LDLRAD3: variants seen among roughly 807,000 people sequenced by gnomAD.
LDLRAD3 encodes low-density lipoprotein receptor class A domain-containing protein 3.
In LDLRAD3, 20 loss-of-function variants were observed where a neutral mutation model predicts 29.4. The observed-to-expected ratio is 0.68, with a 90% CI of 0.48 to 0.99. The LOEUF is 0.99. Ranked by LOEUF, LDLRAD3 falls within the 50% of genes least tolerant of loss-of-function variation. The pLI is 0.00. For missense variants in LDLRAD3, 420 were observed against 454.3 expected (o/e 0.92, Z 0.69); for synonymous variants, 157 against 192.7 (o/e 0.81, Z 1.53).
intron 1 of LDLRAD3, among the ~76,000 whole-genome samples, chr11:35,947,070 A>T (rs1301552033): frequency 2.0e-5 from 3 of 152,176 alleles, no homozygotes; most frequent in African/African-American, 7.2e-5. Flanking sequence ...GTGGGGTGGT[A>T]AATTCTGGGC....
chr11:36,138,269 A>G (rs1854031199), intron 4 of LDLRAD3, among the ~76,000 whole-genome samples: 3 of 152,342 alleles, frequency 2.0e-5, no homozygotes, highest in East Asian at 3.9e-4. Flanking sequence ...TGCTAATAGT[A>G]CCTACTTCCT....
chr11:36,209,860 A>G (rs1243255262), intron 4 of LDLRAD3, among the ~76,000 whole-genome samples: 1 of 152,230 alleles, frequency 6.6e-6, no homozygotes, highest in Admixed American at 6.5e-5. Flanking sequence ...TGTTAAAACC[A>G]TAGATATGTG....
chr11:36,140,992 T>TTCTTTCTCTCTCTCTCTCTCTCTCTC (rs1279929124), intron 4 of LDLRAD3, among the ~76,000 whole-genome samples: 5 of 110,056 alleles, frequency 4.5e-5, no homozygotes, highest in African/African-American at 1.3e-4. Context: ...CTGTTGAGCT[T>TTCTTTCTCTCTCTCTCTCTCTCTCTC]TCTCTCTCTC....
At chr11:36,084,345 A>C (rs2133260145) in intron 3 of LDLRAD3, among the ~76,000 whole-genome samples, 1 of 152,274 alleles carries the variant, frequency 6.6e-6, no homozygotes, top group Admixed American at 6.5e-5. Context: ...AAGCCGGGCG[A>C]GGTGGGGCAC....
intron 4 of LDLRAD3, among the ~76,000 whole-genome samples, chr11:36,143,566 A>G (rs1413444378): frequency 1.3e-5 from 2 of 152,218 alleles, no homozygotes; most frequent in Admixed American, 6.5e-5. Flanking sequence ...GCCACAGGAA[A>G]AAGAGAAACA....
chr11:36,122,653 C>G (rs1464816179), intron 4 of LDLRAD3, among the ~76,000 whole-genome samples: 3 of 152,104 alleles, frequency 2.0e-5, no homozygotes, highest in African/African-American at 7.2e-5. Context: ...CCCCTAGGAG[C>G]CTGTAGTCTA....
intron 2 of LDLRAD3, among the ~76,000 whole-genome samples, chr11:36,047,988 A>C (rs1312121960): frequency 6.6e-6 from 1 of 151,892 alleles, no homozygotes; most frequent in Non-Finnish European, 1.5e-5. Context: ...GTGAGAATAC[A>C]TATGAAAGTG....
chr11:36,227,450 G>C lies in LDLRAD3; in HGVS notation c.800+20G>C. ...CCAGAGGTGTGTGCTGGATGGAAGA[G>C]ATTGAGGCGGGAGAGGTCATCCATT... is the stretch of plus-strand genomic sequence containing the variant. On this transcript the variant is annotated intron_variant, in intron 5 of 5. Coordinates refer to ENST00000315571, the MANE Select transcript of LDLRAD3 (RefSeq NM_174902.4). 1 of 1,511,070 alleles carries C rather than the reference G, an allele frequency of 6.6e-7. No homozygotes were observed. Among genetic ancestry groups the C allele is most frequent in the Non-Finnish European group, 8.9e-7 (1 of 1,124,882 alleles). 93.6% of individuals were successfully genotyped at this position (1,511,070 alleles called of 1,614,324 possible). A position where few individuals can be genotyped will look rare whatever the true frequency, so the allele number is the denominator to read the frequency against.
At chr11:36,106,743 C>T (rs944385996) in intron 4 of LDLRAD3, among the ~76,000 whole-genome samples, 3 of 152,226 alleles carry the variant, frequency 2.0e-5, no homozygotes, top group Non-Finnish European at 2.9e-5. Flanking sequence ...CTCCACCTAC[C>T]CCAAACCCAC....
intron 4 of LDLRAD3, among the ~76,000 whole-genome samples, chr11:36,168,498 C>CTTTTTTTTTTTTTTTTT (rs5791083): frequency 2.4e-4 from 28 of 115,710 alleles, no homozygotes; most frequent in East Asian, 9.2e-4. Context: ...TTTCTTTCTT[C>CTTTTTTTTTTTTTTTTT]TTTTTTTTTT....
chr11:35,952,448 C>A (rs1354868831), intron 1 of LDLRAD3, among the ~76,000 whole-genome samples: 2 of 152,162 alleles, frequency 1.3e-5, no homozygotes, highest in African/African-American at 4.8e-5. Context: ...CTCAAATGGC[C>A]TGTCTTTGGC....
chr11:36,180,139 G>A (rs1314637895), intron 4 of LDLRAD3, among the ~76,000 whole-genome samples: 3 of 152,120 alleles, frequency 2.0e-5, no homozygotes, highest in Admixed American at 6.5e-5. Context: ...GTTCCTACCT[G>A]CCTCGGTACA....
In LDLRAD3 at chr11:36,065,834, C is replaced by T. The variant is rs79473434; in HGVS notation, c.194-15819C>T. 3.3e-5 allele frequency among the ~76,000 whole-genome samples: 5 copies of T among 152,256 alleles called. No homozygotes were observed. The East Asian group carries it at 9.7e-4, about 29-fold the overall frequency. On this transcript the variant is annotated intron_variant, in intron 2 of 5. Coordinates refer to ENST00000315571, the MANE Select transcript of LDLRAD3 (RefSeq NM_174902.4). ...ACAAAACCTGAGTTTTAGGGTTCTG[C>T]TGTTTATGTGGATCATGTGGGGAGG...
intron 4 of LDLRAD3, among the ~76,000 whole-genome samples, chr11:36,172,496 C>T (rs1369357691): frequency 6.6e-6 from 1 of 151,592 alleles, no homozygotes; most frequent in Non-Finnish European, 1.5e-5. Flanking sequence ...TAAGGTATGT[C>T]CCTTCTATGC....
At chr11:36,218,832 G>A (rs139281469) in intron 4 of LDLRAD3, among the ~76,000 whole-genome samples, 1 of 152,218 alleles carries the variant, frequency 6.6e-6, no homozygotes, top group South Asian at 2.1e-4. Flanking sequence ...CAACCTAAAG[G>A]TACTTCAATA....
intron 4 of LDLRAD3, among the ~76,000 whole-genome samples, chr11:36,148,467 T>A (rs1271925254): frequency 6.6e-6 from 1 of 152,192 alleles, no homozygotes; most frequent in Admixed American, 6.5e-5. Flanking sequence ...CTTTGCTGCC[T>A]TTATGATTTT....
chr11:36,160,768 T>C (rs911444754), intron 4 of LDLRAD3, among the ~76,000 whole-genome samples: 1 of 152,144 alleles, frequency 6.6e-6, no homozygotes, highest in African/African-American at 2.4e-5. Context: ...AATGACTTAG[T>C]GAGAACTCGA....
At chr11:36,096,985 A>C (rs1853370332) in intron 3 of LDLRAD3, among the ~76,000 whole-genome samples, 1 of 152,244 alleles carries the variant, frequency 6.6e-6, no homozygotes, top group Non-Finnish European at 1.5e-5. Context: ...CCTTGTTTGA[A>C]TCACACTGCA....
intron 4 of LDLRAD3, among the ~76,000 whole-genome samples, chr11:36,109,765 T>C (rs1421113991): frequency 1.4e-5 from 2 of 142,850 alleles, no homozygotes; most frequent in African/African-American, 5.1e-5. Flanking sequence ...TAAAAAAAAA[T>C]AGTCTGCGTT....
Sources: gnomAD v4.1 joint callset for allele counts (sites outside exome capture counted in the v4.1 genomes callset) on GRCh38, gnomAD v4.1.1 for gene constraint, MANE v1.5 for transcripts, NCBI Gene and HGNC (gene_info 2026-07-23, HGNC 2026-07-21) for gene names.